The following LYPD4 variants were observed in gnomAD, a reference collection of about 807,000 sequenced individuals.
LYPD4 encodes ly6/PLAUR domain-containing protein 4.
Under a neutral mutation model 18.2 loss-of-function variants are expected in LYPD4, and 20 were observed. The observed-to-expected ratio is 1.10, with a 90% CI of 0.77 to 1.59. LYPD4 has a LOEUF of 1.59. Among genes scored for constraint, LYPD4 ranks in the 40% most tolerant of loss-of-function variants. The pLI, the probability that LYPD4 is intolerant of heterozygous loss-of-function variation, is 0.00. For synonymous variants in LYPD4, 111 were observed against 118.3 expected (o/e 0.94, Z 0.40); for missense variants, 278 against 300.3 (o/e 0.93, Z 0.55).
chr19:41,844,720 G>C (rs1448630259), upstream of LYPD4: 3 of 152,398 alleles, frequency 2.0e-5, no homozygotes, highest in African/African-American at 4.8e-5. Context: ...GCCGTTCCTG[G>C]GGGGCGGGGC....
At chr19:41,839,635 G>T in intron 1 of LYPD4, 1 of 301,598 alleles carries the variant, frequency 3.3e-6, no homozygotes, top group Non-Finnish European at 6.3e-6. Context: ...CCAGCCAGAG[G>T]CAATGAGATC....
intron 1 of LYPD4, among the ~76,000 whole-genome samples, chr19:41,840,858 T>C (rs1447644929): frequency 6.6e-6 from 1 of 151,732 alleles, no homozygotes; most frequent in Non-Finnish European, 1.5e-5. Flanking sequence ...ATAAAATATA[T>C]ACATCAAAAT....
Position 41,839,331 on chromosome 19 carries a change from G to A in LYPD4, c.-46C>T. On this transcript the variant is annotated 5_prime_UTR_variant, in exon 2 of 5. Transcript: ENST00000609812. ...GGTGCTAGAGGTCAGTCTGGAATCAGTTTCAGTCTGGATCCCAAGCTCAGT... is the reference window on the plus strand; with the variant it reads ...GGTGCTAGAGGTCAGTCTGGAATCAATTTCAGTCTGGATCCCAAGCTCAGT... 1 of 1,567,114 alleles carries A rather than the reference G, an allele frequency of 6.4e-7. No individual in the cohort carries two copies. The highest frequency in any genetic ancestry group is 8.8e-7 in the Non-Finnish European group (1 of 1,137,260).
intron 4 of LYPD4, among the ~76,000 whole-genome samples, 155 bp downstream of exon 4, chr19:41,837,780 A>G (rs1372033294): frequency 6.6e-6 from 1 of 151,758 alleles, no homozygotes; most frequent in Non-Finnish European, 1.5e-5. Flanking sequence ...CTTAGGCACC[A>G]GGCGCCTTCC....
chr19:41,842,000 T>C (rs1239045238), intron 1 of LYPD4, among the ~76,000 whole-genome samples: 2 of 152,170 alleles, frequency 1.3e-5, no homozygotes, highest in African/African-American at 4.8e-5. Context: ...ATACCCTACA[T>C]AGGTATTACA....
At chr19:41,842,764 CAAAAAAAAAAAAA>C (rs782233081) in intron 1 of LYPD4, among the ~76,000 whole-genome samples, 17 of 49,792 alleles carry the variant, frequency 3.4e-4, no homozygotes, top group South Asian at 2.0e-3. Context: ...TCCGTCTAAA[CAAAAAAAAAAAAA>C]AAAAAAAAAA....
At chr19:41,836,904 C>T (rs1390227832), downstream of LYPD4, among the ~76,000 whole-genome samples, 2 of 152,056 alleles carry the variant, frequency 1.3e-5, no homozygotes, top group Admixed American at 1.3e-4. Flanking sequence ...GGAGCTCAAG[C>T]CTCCAGAGGA....
chr19:41,838,296 T>C (rs1183326983), intron 3 of LYPD4, 35 bp from the exon 4 acceptor site: 4 of 1,484,438 alleles, frequency 2.7e-6, no homozygotes, highest in Non-Finnish European at 3.6e-6. Context: ...CTCAGATCAG[T>C]GTCACTGGCC....
chr19:41,837,974 C>A lies in LYPD4; in HGVS notation c.499G>T (p.Ala167Ser). The stretch of plus-strand genomic sequence containing the variant: ...AAGGTGGAACTGTAACACGTAGAAG[C>A]AGCCAAGGGGCAAGAATTAGTGGTG... The part of the protein sequence containing the change: ...FVTTNSCPLA[A>S]STCYSSTLKF... Residue 167 changes from alanine to serine, a missense_variant, in exon 4 of 5, where the codon GCT (alanine) becomes TCT (serine). Physicochemically the swap from Ala to Ser is moderately conservative, Grantham distance 99. Coordinates refer to ENST00000609812, the MANE Select transcript of LYPD4 (RefSeq NM_173506.7). 1 of 1,613,270 alleles carries A rather than the reference C, an allele frequency of 6.2e-7. No individual in the cohort carries two copies. The highest frequency in any genetic ancestry group is 8.5e-7 in the Non-Finnish European group (1 of 1,179,476).
At chr19:41,837,857 C>T in intron 4 of LYPD4, 78 bp downstream of exon 4, 1 of 1,400,842 alleles carries the variant, frequency 7.1e-7, no homozygotes, top group Admixed American at 2.4e-5. Flanking sequence ...ATCCCACCAG[C>T]CTCTCTGAGA....
rs2073689729 is a variant in LYPD4 at position 41,843,070 on chromosome 19, AAAAAAAACC to A, written c.-121+499_-121+507del. The stretch of plus-strand genomic sequence containing the variant: ...AAAAAAAAAAAAAAAAAAAAAAAAA[AAAAAAAACC>A]CCAACAACAACACTACACACATCCT... On this transcript the variant is annotated intron_variant, in intron 1 of 4. Transcript: ENST00000609812. 1.9e-3 allele frequency among the ~76,000 whole-genome samples: 76 copies of A among 40,450 alleles called. 10 individuals carry two copies. Among genetic ancestry groups the A allele is most frequent in the African/African-American group, 6.0e-3 (69 of 11,508 alleles). The allele number at this position is 40,450 out of a possible 152,430, so 26.5% of individuals were successfully genotyped here.
downstream of LYPD4, among the ~76,000 whole-genome samples, chr19:41,836,263 T>A (rs2123061133): frequency 1.9e-5 from 2 of 104,740 alleles, no homozygotes; most frequent in East Asian, 6.3e-4. Context: ...TGCTCTTTCC[T>A]CTCTCCCCTA....
chr19:41,843,370 C>G (rs528868171), intron 1 of LYPD4, among the ~76,000 whole-genome samples: 5 of 152,126 alleles, frequency 3.3e-5, no homozygotes, highest in African/African-American at 1.2e-4. Context: ...TTGTGAAGAT[C>G]AATAAAATTA....
intron 1 of LYPD4, chr19:41,839,620 G>C (rs1224513198): frequency 2.9e-6 from 1 of 348,952 alleles, no homozygotes; most frequent in Non-Finnish European, 5.3e-6. Context: ...TATGCAGGCT[G>C]TTCTCCAGCC....
chr19:41,838,875 C>T lies in LYPD4; in HGVS notation c.211+6G>A. The T allele has an allele frequency of 6.2e-7, 1 of 1,613,606 alleles. No homozygotes were observed. Among genetic ancestry groups the T allele is most frequent in the Non-Finnish European group, 8.5e-7 (1 of 1,179,936 alleles). On this transcript the variant is annotated splice_donor_region_variant and intron_variant, in intron 3 of 4. Coordinates refer to ENST00000609812, the MANE Select transcript of LYPD4 (RefSeq NM_173506.7). ...AACGAAATTGATCAAACTTAGACTGCTTCACCTGTCTCAATGAACACTAGC... is the reference window on the plus strand; with the variant it reads ...AACGAAATTGATCAAACTTAGACTGTTTCACCTGTCTCAATGAACACTAGC...
rs557604043 is a variant in LYPD4, at chr19:41,837,649, G to A, written c.538+286C>T. Reference sequence around the variant, plus strand: ...GCAGAGGTTGCAGTGAGCCGAGATCGGACCACTGCACTCCAGCCTGGGCAA... The same window carrying A: ...GCAGAGGTTGCAGTGAGCCGAGATCAGACCACTGCACTCCAGCCTGGGCAA... On this transcript the variant is annotated intron_variant, in intron 4 of 4. Coordinates refer to ENST00000609812, the MANE Select transcript of LYPD4 (RefSeq NM_173506.7). Among the ~76,000 whole-genome samples the A allele has an allele frequency of 2.6e-5, 4 of 151,696 alleles. No individual in the cohort carries two copies. The East Asian group carries it at 5.8e-4, about 22-fold the overall frequency.
chr19:41,835,810 AC>A, downstream of LYPD4: 1 of 985,458 alleles, frequency 1.0e-6, no homozygotes, highest in Non-Finnish European at 1.2e-6. Flanking sequence ...TGCTCAAGCT[AC>A]TAACAAAGGT....
intron 1 of LYPD4, among the ~76,000 whole-genome samples, chr19:41,840,752 C>A (rs1022985757): frequency 2.0e-5 from 3 of 151,738 alleles, no homozygotes; most frequent in Admixed American, 2.0e-4. Flanking sequence ...ATGGTGTGAA[C>A]CCGGGAGGCG....
In LYPD4 at chr19:41,837,280, A is replaced by G; in HGVS notation, c.604T>C (p.Phe202Leu). The change falls in exon 5 of 5, where the codon TTT becomes CTT. Residue 202 changes from phenylalanine to leucine, a missense_variant. Physicochemically the swap from Phe to Leu is conservative, Grantham distance 22 (BLOSUM62 0). Coordinates refer to ENST00000609812, the MANE Select transcript of LYPD4 (RefSeq NM_173506.7). ...AREHNQLLAD[F>L]HHIGSIKVTE... ...ACTTTGATGCTCCCAATATGATGAA[A>G]ATCTGCTAAAAGCTGGTTATGTTCA... 1.2e-6 allele frequency: 2 copies of G among 1,614,000 alleles called. No individual in the cohort carries two copies. The highest frequency in any genetic ancestry group is 8.5e-7 in the Non-Finnish European group (1 of 1,179,928).
Sources: allele counts gnomAD v4.1 joint callset (sites outside exome capture counted in the v4.1 genomes callset), GRCh38; gene constraint gnomAD v4.1.1; transcripts MANE v1.5; gene names NCBI Gene and HGNC (gene_info 2026-07-23, HGNC 2026-07-21).